Variants in SOX5 observed in about 807,000 individuals in gnomAD.
The protein encoded by SOX5 is SRY-box transcription factor 5, also known as transcription factor SOX-5.
SOX5 carries 9 observed loss-of-function variants against 92.0 expected under a neutral mutation model. That is an observed-to-expected ratio of 0.10 (90% CI 0.06 to 0.17). The LOEUF (loss-of-function observed/expected upper bound fraction) is 0.17, where lower values mean the gene tolerates loss of function less well. SOX5 is among the 10% of genes least tolerant of loss of function. SOX5 has a pLI of 1.00. For synonymous variants in SOX5, 344 were observed against 336.3 expected (o/e 1.02, Z -0.25); for missense variants, 642 against 944.5 (o/e 0.68, Z 4.20).
At chr12:24,558,665 G>A (rs190233252) in intron 1 of SOX5, among the ~76,000 whole-genome samples, 3 of 152,104 alleles carry the variant, frequency 2.0e-5, no homozygotes, top group Non-Finnish European at 4.4e-5. Flanking sequence ...TCATGCAAAC[G>A]AACTCTTGGT....
intron 4 of SOX5, among the ~76,000 whole-genome samples, chr12:24,080,606 G>A (rs1452747824): frequency 6.6e-6 from 1 of 151,916 alleles, no homozygotes; most frequent in Non-Finnish European, 1.5e-5. Flanking sequence ...CAGGACTATG[G>A]ACTGTGTGTT....
intron 1 of SOX5, among the ~76,000 whole-genome samples, chr12:24,558,715 C>A (rs1954049734): frequency 6.6e-6 from 1 of 152,152 alleles, no homozygotes; most frequent in African/African-American, 2.4e-5. Flanking sequence ...CATCAGAAAT[C>A]CCTCTCATAA....
At position 23,604,435 on chromosome 12, in the gene SOX5, G is replaced by A; in HGVS notation, c.1116C>T (p.Thr372=). ...TTGTGCTCTTGTCTGTGTGAATGCT[G>A]GTAGGAGATACAGCAGCACCAAGGT... The part of the protein sequence containing the change: ...QGNLGAAVSP[T]SIHTDKSTNS... Residue 372 remains threonine (T), a synonymous_variant, in exon 9 of 15, where the codon ACC becomes ACT. Transcript: ENST00000451604. The A allele has an allele frequency of 6.2e-7, 1 of 1,613,802 alleles. No individual in the cohort carries two copies. Among genetic ancestry groups the A allele is most frequent in the Non-Finnish European group, 8.5e-7 (1 of 1,179,796 alleles).
chr12:23,543,228 T>C lies in SOX5; in HGVS notation c.1754A>G (p.Asn585Ser). 6.2e-7 allele frequency: 1 copy of C among 1,613,582 alleles called. No individual in the cohort carries two copies. The highest frequency in any genetic ancestry group is 8.5e-7 in the Non-Finnish European group (1 of 1,179,580). The change falls in exon 13 of 15, where the codon AAC (asparagine) becomes AGC (serine). Residue 585 changes from asparagine to serine, a missense_variant. Coordinates refer to ENST00000451604, the MANE Select transcript of SOX5 (RefSeq NM_006940.6). ...LQAFPDMHNS[N>S]ISKILGSRWK... ...TTTCTTACCCAATATCTTGCTGATG[T>C]TGGAGTTGTGCATGTCAGGAAAGGC...
intron 1 of SOX5, among the ~76,000 whole-genome samples, chr12:24,425,624 T>C (rs1966641492): frequency 6.6e-6 from 1 of 152,236 alleles, no homozygotes; most frequent in South Asian, 2.1e-4. Flanking sequence ...GTTTAGTTGC[T>C]GTAGACAATT....
intron 8 of SOX5, among the ~76,000 whole-genome samples, chr12:23,606,248 A>G (rs2075244299): frequency 6.6e-6 from 1 of 151,936 alleles, no homozygotes; most frequent in African/African-American, 2.4e-5. Context: ...AGTAGAATGC[A>G]TGTACTAATA....
chr12:24,212,558 A>T, intron 4 of SOX5: 1 of 515,084 alleles, frequency 1.9e-6, no homozygotes, highest in Non-Finnish European at 3.9e-6. Context: ...TTCACTCATA[A>T]CTAAGCAATA....
In SOX5 at chr12:24,376,689, C is replaced by CTTTTTTT. The variant is rs1480014070; in HGVS notation, c.-250-8051_-250-8050insAAAAAAA. 3.3e-4 allele frequency among the ~76,000 whole-genome samples: 31 copies of CTTTTTTT among 93,104 alleles called. 2 individuals are homozygous for CTTTTTTT. Among genetic ancestry groups the CTTTTTTT allele is most frequent in the Middle Eastern group, 7.6e-3 (1 of 132 alleles). 61.1% of individuals were successfully genotyped at this position (93,104 alleles called of 152,430 possible). Reference sequence around the variant, plus strand: ...TCAGAATGATGCTATGGGAGAGATACCTTTTTTTTTTTTTTTTTTTTTTTT... The same window carrying CTTTTTTT: ...TCAGAATGATGCTATGGGAGAGATACTTTTTTTCTTTTTTTTTTTTTTTTTTTTTTTT... On this transcript the variant is annotated intron_variant, in intron 1 of 4. Transcript: ENST00000446891.
intron 4 of SOX5, among the ~76,000 whole-genome samples, chr12:23,997,389 G>C (rs1432500722): frequency 6.6e-6 from 1 of 152,200 alleles, no homozygotes; most frequent in Non-Finnish European, 1.5e-5. Flanking sequence ...CCAACAGTCA[G>C]AGAAGGCCAA....
At chr12:23,788,838 C>T (rs956089101) in intron 3 of SOX5, among the ~76,000 whole-genome samples, 1 of 151,810 alleles carries the variant, frequency 6.6e-6, no homozygotes, top group African/African-American at 2.4e-5. Context: ...ACAGCATTCA[C>T]TAGAAATGAA....
intron 6 of SOX5, 90 bp downstream of exon 6, chr12:23,734,594 T>C (rs2093517000): frequency 1.1e-6 from 1 of 940,738 alleles, no homozygotes; most frequent in Admixed American, 2.3e-5. Flanking sequence ...TCATTTTTAT[T>C]TTGGAGGTCA....
chr12:23,822,225 C>A (rs148002321), intron 3 of SOX5, among the ~76,000 whole-genome samples: 282 of 152,076 alleles, frequency 1.9e-3, no homozygotes, highest in South Asian at 3.5e-3. Context: ...AGGTTGTTGA[C>A]TTTAGATCTT....
chr12:24,247,633 T>C (rs1939106995), intron 3 of SOX5, among the ~76,000 whole-genome samples: 2 of 148,772 alleles, frequency 1.3e-5, no homozygotes, highest in South Asian at 4.2e-4. Context: ...TGATCCCTGA[T>C]TTATTTATTT....
intron 3 of SOX5, among the ~76,000 whole-genome samples, chr12:23,838,063 T>A (rs2096455769): frequency 1.2e-5 from 1 of 85,760 alleles, no homozygotes; most frequent in Non-Finnish European, 2.4e-5. Flanking sequence ...TTTATACTTA[T>A]ATATATTATA....
At chr12:24,153,941 C>G (rs748551049) in intron 4 of SOX5, among the ~76,000 whole-genome samples, 4 of 152,148 alleles carry the variant, frequency 2.6e-5, no homozygotes, top group Non-Finnish European at 5.9e-5. Context: ...TCTCCCCAAT[C>G]CCTGAGACCT....
rs1427263577 is a variant in SOX5, at chr12:23,750,744, C to G, written c.568+4894G>C. On this transcript the variant is annotated intron_variant, in intron 4 of 14. Coordinates refer to ENST00000451604, the MANE Select transcript of SOX5 (RefSeq NM_006940.6). ...ATGTAAGAGTTTAGTATTTGATTAA[C>G]CTTATGTTTAAAACACACATTATTA... 2.6e-5 allele frequency among the ~76,000 whole-genome samples: 4 copies of G among 151,824 alleles called. No homozygotes were observed. In the East Asian group the frequency reaches 7.8e-4, roughly 29 times the overall value.
At chr12:24,457,349 C>T (rs1265587225) in intron 1 of SOX5, among the ~76,000 whole-genome samples, 5 of 152,074 alleles carry the variant, frequency 3.3e-5, no homozygotes, top group Non-Finnish European at 5.9e-5. Flanking sequence ...AAAATATATA[C>T]GTCTGTGAAT....
chr12:24,071,122 G>T (rs1354323183), intron 4 of SOX5, among the ~76,000 whole-genome samples: 1 of 152,162 alleles, frequency 6.6e-6, no homozygotes, highest in East Asian at 1.9e-4. Flanking sequence ...ACATAAAGCT[G>T]CATGTAAAAT....
chr12:24,449,626 G>A (rs1388747071), intron 1 of SOX5, among the ~76,000 whole-genome samples: 1 of 152,138 alleles, frequency 6.6e-6, no homozygotes, highest in Non-Finnish European at 1.5e-5. Context: ...AACAGGGCCT[G>A]GAAGATAATA....
Sources: allele counts gnomAD v4.1 joint callset (sites outside exome capture counted in the v4.1 genomes callset), GRCh38; gene constraint gnomAD v4.1.1; transcripts MANE v1.5; gene names NCBI Gene and HGNC (gene_info 2026-07-23, HGNC 2026-07-21).